Variants in RBMS2 observed in about 807,000 individuals in gnomAD.
The protein encoded by RBMS2 is RNA-binding motif, single-stranded-interacting protein 2.
A neutral mutation model predicts 58.4 loss-of-function variants in RBMS2; 38 were observed. The observed-to-expected ratio is 0.65, with a 90% CI of 0.50 to 0.85. RBMS2 has a LOEUF of 0.85. Among genes scored for constraint, RBMS2 ranks in the 40% least tolerant of loss-of-function variants. The probability of loss-of-function intolerance (pLI) is 0.00; values close to 1 mark genes in which losing one functional copy is unlikely to be tolerated. For synonymous variants in RBMS2, 151 were observed against 180.7 expected (o/e 0.84, Z 1.32); for missense variants, 367 against 503.7 (o/e 0.73, Z 2.60).
intron 5 of RBMS2, among the ~76,000 whole-genome samples, chr12:56,573,365 T>C (rs1269498822): frequency 2.0e-5 from 3 of 150,080 alleles, no homozygotes; most frequent in African/African-American, 4.9e-5. Flanking sequence ...TAGTCCCAGC[T>C]ACTCGGGAGG....
chr12:56,569,057 G>A lies in RBMS2; in HGVS notation c.292+24G>A, dbSNP rs1234004217. ...AGGTGAGAGAACAACTGTCCTTGGT[G>A]TTGGAGAGCACCAGTAAGTGAGGCC... On this transcript the variant is annotated intron_variant, in intron 3 of 13. Transcript: ENST00000262031. 3.1e-6 allele frequency: 5 copies of A among 1,594,822 alleles called. No homozygotes were observed. The Admixed American group carries it at 6.7e-5, about 21-fold the overall frequency.
In RBMS2 at chr12:56,589,721, C is replaced by T. The variant is rs2136622647; in HGVS notation, c.*588C>T. On this transcript the variant is annotated 3_prime_UTR_variant, in exon 14 of 14. Transcript: ENST00000262031. ...TCTCAGCTCATGCACCCCATCTCCT[C>T]TTCACCCATATTATGCCTTCTTTCT... The T allele has an allele frequency of 6.5e-6, 1 of 153,272 alleles. No homozygotes were observed. 9.5% of individuals were successfully genotyped at this position (153,272 alleles called of 1,614,324 possible). A position where few individuals can be genotyped will look rare whatever the true frequency, so the allele number is the denominator to read the frequency against.
intron 1 of RBMS2, among the ~76,000 whole-genome samples, chr12:56,537,431 G>A (rs1875121465): frequency 6.6e-6 from 1 of 152,136 alleles, no homozygotes; most frequent in Non-Finnish European, 1.5e-5. Flanking sequence ...CCTTATGTAA[G>A]TGGAATCATA....
chr12:56,582,623 GA>G (rs1157250892), intron 9 of RBMS2, among the ~76,000 whole-genome samples: 1 of 152,176 alleles, frequency 6.6e-6, no homozygotes, highest in Non-Finnish European at 1.5e-5. Context: ...CAAATCTACT[GA>G]ATTACAAACT....
At chr12:56,531,064 T>A (rs1380839566) in intron 1 of RBMS2, among the ~76,000 whole-genome samples, 4 of 152,172 alleles carry the variant, frequency 2.6e-5, no homozygotes, top group African/African-American at 9.6e-5. Flanking sequence ...GAGGGGACTG[T>A]TTTTTCCAAA....
chr12:56,562,573 C>T lies in RBMS2; in HGVS notation c.223C>T (p.Leu75=). 6.2e-7 allele frequency: 1 copy of T among 1,613,532 alleles called. No homozygotes were observed. The highest frequency in any genetic ancestry group is 8.5e-7 in the Non-Finnish European group (1 of 1,179,456). Residue 75 remains leucine (L), a synonymous_variant, in exon 2 of 14, where the codon CTG becomes TTG. Coordinates refer to ENST00000262031, the MANE Select transcript of RBMS2 (RefSeq NM_002898.4). ...PGTTDQDLVK[L]CQPYGKIVST... ...CACTACTGACCAAGATCTTGTCAAG[C>T]TGTGTCAGCCGTAAGTTGGAGTACA...
chr12:56,533,506 C>T (rs1158076333), intron 1 of RBMS2, among the ~76,000 whole-genome samples: 1 of 141,318 alleles, frequency 7.1e-6, no homozygotes, highest in African/African-American at 2.6e-5. Context: ...TCTTCCACCT[C>T]CCGGGTTCAG....
At chr12:56,521,363 A>G (rs1871695999), upstream of RBMS2, among the ~76,000 whole-genome samples, 1 of 149,384 alleles carries the variant, frequency 6.7e-6, no homozygotes, top group East Asian at 2.0e-4. Context: ...TGGAGGTTGC[A>G]GTGAGCCGGA....
At position 56,550,899 on chromosome 12, in the gene RBMS2, T is replaced by C. The variant is rs1185455454; in HGVS notation, c.67-11518T>C. On this transcript the variant is annotated intron_variant, in intron 1 of 13. Coordinates refer to ENST00000262031, the MANE Select transcript of RBMS2 (RefSeq NM_002898.4). The stretch of plus-strand genomic sequence containing the variant: ...GAAGGGAGGAAGGGAAGGGATAGGC[T>C]GAGGCAGGAGGATTGCTTGAGGCCA... Among the ~76,000 whole-genome samples the C allele has an allele frequency of 2.0e-5, 3 of 150,988 alleles. No individual in the cohort carries two copies. In the South Asian group the frequency reaches 6.3e-4, roughly 32 times the overall value.
At chr12:56,588,850 A>AG (rs1885042951) in intron 12 of RBMS2, 82 bp from the exon 13 acceptor site, 1 of 1,340,424 alleles carries the variant, frequency 7.5e-7, no homozygotes. Context: ...CACTCGATGT[A>AG]GGGTGGGCTT....
At chr12:56,536,200 C>CAAAAA (rs71446560) in intron 1 of RBMS2, among the ~76,000 whole-genome samples, 13 of 76,420 alleles carry the variant, frequency 1.7e-4, no homozygotes, top group African/African-American at 7.1e-4. Flanking sequence ...AACTCTGTCT[C>CAAAAA]AAAAAAAAAA....
intron 1 of RBMS2, among the ~76,000 whole-genome samples, chr12:56,530,062 C>A (rs1873416496): frequency 6.6e-6 from 1 of 152,014 alleles, no homozygotes; most frequent in Non-Finnish European, 1.5e-5. Flanking sequence ...GCGCCACATG[C>A]CCAGCTAATT....
At chr12:56,582,918 C>A (rs994315351) in intron 9 of RBMS2, among the ~76,000 whole-genome samples, 1 of 152,166 alleles carries the variant, frequency 6.6e-6, no homozygotes, top group African/African-American at 2.4e-5. Context: ...GATCCGCCCG[C>A]CTCGGCCTCC....
At chr12:56,575,565 C>T (rs942982140) in intron 5 of RBMS2, among the ~76,000 whole-genome samples, 2 of 151,280 alleles carry the variant, frequency 1.3e-5, no homozygotes, top group African/African-American at 2.4e-5. Flanking sequence ...CTACACCCCC[C>T]CTCAAAAAAA....
chr12:56,537,874 C>G (rs1297811198), intron 1 of RBMS2, among the ~76,000 whole-genome samples: 1 of 148,804 alleles, frequency 6.7e-6, no homozygotes, highest in Non-Finnish European at 1.5e-5. Flanking sequence ...TTATAAGTAG[C>G]CATCCTGATG....
chr12:56,548,551 T>G (rs1592379118), intron 1 of RBMS2, among the ~76,000 whole-genome samples: 1 of 152,168 alleles, frequency 6.6e-6, no homozygotes, highest in Non-Finnish European at 1.5e-5. Context: ...AAAGTGGACT[T>G]TCTCTTATTA....
chr12:56,578,815 A>G (rs1360114616), intron 5 of RBMS2, among the ~76,000 whole-genome samples: 1 of 151,948 alleles, frequency 6.6e-6, no homozygotes, highest in African/African-American at 2.4e-5. Flanking sequence ...AAATACAGCA[A>G]TTAGCCAGGC....
chr12:56,584,913 T>C (rs189062170), intron 9 of RBMS2, among the ~76,000 whole-genome samples: 1 of 148,072 alleles, frequency 6.8e-6, no homozygotes, highest in Non-Finnish European at 1.5e-5. Flanking sequence ...AACCTCTGCC[T>C]CCTGGGTTCA....
At chr12:56,552,038 A>G (rs1878363998) in intron 1 of RBMS2, among the ~76,000 whole-genome samples, 1 of 152,246 alleles carries the variant, frequency 6.6e-6, no homozygotes, top group Admixed American at 6.5e-5. Flanking sequence ...CAGTGAGCCG[A>G]GATCGTGCCA....
Sources: gnomAD v4.1 joint callset for allele counts (sites outside exome capture counted in the v4.1 genomes callset) on GRCh38, gnomAD v4.1.1 for gene constraint, MANE v1.5 for transcripts, NCBI Gene and HGNC (gene_info 2026-07-23, HGNC 2026-07-21) for gene names.